NAALADL2: variants seen among roughly 807,000 people sequenced by gnomAD.
NAALADL2 encodes inactive N-acetylated-alpha-linked acidic dipeptidase-like protein 2.
NAALADL2 carries 76 observed loss-of-function variants against 87.2 expected under a neutral mutation model. The observed-to-expected ratio is 0.87, with a 90% confidence interval of 0.72 to 1.05. The LOEUF (loss-of-function observed/expected upper bound fraction) is 1.05. Among genes scored for constraint, NAALADL2 ranks in the 50% least tolerant of loss-of-function variants. The pLI is 0.00. For synonymous variants in NAALADL2, 354 were observed against 331.0 expected (o/e 1.07, Z -0.75); for missense variants, 1,089 against 945.8 (o/e 1.15, Z -1.99).
At chr3:174,771,977 T>C (rs961734942) in intron 3 of NAALADL2, among the ~76,000 whole-genome samples, 1 of 151,178 alleles carries the variant, frequency 6.6e-6, no homozygotes, top group Non-Finnish European at 1.5e-5. Flanking sequence ...GCTCTAGGTA[T>C]GGGAGATACA....
intron 2 of NAALADL2, among the ~76,000 whole-genome samples, chr3:174,677,122 C>T (rs189593158): frequency 1.1e-4 from 16 of 152,016 alleles, no homozygotes; most frequent in East Asian, 5.8e-4. Flanking sequence ...ATCTATCTGC[C>T]GCCTTTTGGC....
At chr3:175,120,793 T>G (rs577048368) in intron 2 of NAALADL2, among the ~76,000 whole-genome samples, 6 of 151,808 alleles carry the variant, frequency 4.0e-5, no homozygotes, top group Non-Finnish European at 8.8e-5. Context: ...AGTTGTCTAA[T>G]TGGTTGATAA....
chr3:175,383,948 C>T (rs1276321619), intron 5 of NAALADL2, among the ~76,000 whole-genome samples: 1 of 151,986 alleles, frequency 6.6e-6, no homozygotes, highest in Non-Finnish European at 1.5e-5. Flanking sequence ...CTGATTCTGT[C>T]AGATTTTTAC....
At chr3:175,182,555 T>G (rs1038512103) in intron 2 of NAALADL2, among the ~76,000 whole-genome samples, 13 of 99,148 alleles carry the variant, frequency 1.3e-4, no homozygotes, top group Non-Finnish European at 2.4e-4. Flanking sequence ...AGCCAGTTTT[T>G]TTTTTTTTTT....
chr3:174,610,547 C>CA (rs1719716498), intron 2 of NAALADL2, among the ~76,000 whole-genome samples: 1 of 152,030 alleles, frequency 6.6e-6, no homozygotes, highest in Admixed American at 6.6e-5. Flanking sequence ...TTTATGCAGC[C>CA]AAAAAACACG....
At chr3:174,787,445 A>G (rs1716801142) in intron 3 of NAALADL2, among the ~76,000 whole-genome samples, 1 of 150,696 alleles carries the variant, frequency 6.6e-6, no homozygotes, top group African/African-American at 2.4e-5. Flanking sequence ...TTAAGACTAC[A>G]GGGATAGAAT....
intron 2 of NAALADL2, among the ~76,000 whole-genome samples, chr3:174,555,992 TGTGTGTGTGTGTGTGTGCGC>T (rs1387676771): frequency 1.5e-5 from 2 of 136,792 alleles, no homozygotes; most frequent in Admixed American, 1.4e-4. Flanking sequence ...TGTGTGTGTG[TGTGTGTGTGTGTGTGTGCGC>T]GCACGTGAGT....
At chr3:174,658,248 A>C (rs1725170683) in intron 2 of NAALADL2, among the ~76,000 whole-genome samples, 2 of 152,130 alleles carry the variant, frequency 1.3e-5, no homozygotes. Context: ...GCAATGAATG[A>C]GTTCTTTGTG....
intron 9 of NAALADL2, among the ~76,000 whole-genome samples, chr3:175,518,315 AAAC>A (rs1272937168): frequency 6.6e-6 from 1 of 152,172 alleles, no homozygotes; most frequent in Non-Finnish European, 1.5e-5. Flanking sequence ...CTAAATTTTC[AAAC>A]AACAATTAAA....
chr3:174,682,925 C>CAGT (rs1488818818), intron 2 of NAALADL2, among the ~76,000 whole-genome samples: 2 of 152,146 alleles, frequency 1.3e-5, no homozygotes, highest in African/African-American at 4.8e-5. Flanking sequence ...TTTAAGGCAC[C>CAGT]AGTAGCTAAT....
chr3:174,572,848 G>T (rs1024032050), intron 2 of NAALADL2, among the ~76,000 whole-genome samples: 3 of 152,198 alleles, frequency 2.0e-5, no homozygotes, highest in Non-Finnish European at 4.4e-5. Flanking sequence ...TGTTTGGAAT[G>T]CAAGGAACTT....
intron 2 of NAALADL2, among the ~76,000 whole-genome samples, chr3:175,098,303 G>GT (rs1721499479): frequency 1.3e-5 from 2 of 152,080 alleles, no homozygotes; most frequent in African/African-American, 2.4e-5. Context: ...ATGAATGATT[G>GT]TATCATTCAG....
At chr3:175,356,576 A>AAATAATAATAATAATAAT (rs377522672) in intron 5 of NAALADL2, among the ~76,000 whole-genome samples, 3,660 of 131,632 alleles carry the variant, frequency 0.028, 66 homozygotes, top group East Asian at 0.073. Flanking sequence ...CCCTGTGTCA[A>AAATAATAATAATAATAAT]AATAATAATA....
At chr3:175,665,223 C>T (rs968656286) in intron 11 of NAALADL2, among the ~76,000 whole-genome samples, 3 of 152,282 alleles carry the variant, frequency 2.0e-5, no homozygotes, top group Admixed American at 1.3e-4. Flanking sequence ...CAAGGTGACA[C>T]AGAGCAAACA....
rs1168614917 is a variant in NAALADL2, at chr3:174,579,893, G to T, written c.-115+29256G>T. ...TGGCTTCATCAACTGTGCTTATGTA[G>T]ACATAGTATTTACTTTGTGTGGAGC... On this transcript the variant is annotated intron_variant, in intron 2 of 3. Coordinates refer to the NAALADL2 transcript ENST00000434257. 6.6e-5 allele frequency among the ~76,000 whole-genome samples: 10 copies of T among 152,040 alleles called. No homozygotes were observed. The East Asian group carries it at 1.9e-3, about 29-fold the overall frequency.
chr3:175,439,329 A>C (rs1553895400), intron 5 of NAALADL2, among the ~76,000 whole-genome samples: 1 of 150,862 alleles, frequency 6.6e-6, no homozygotes, highest in Non-Finnish European at 1.5e-5. Flanking sequence ...TTTTTTTATA[A>C]TTACTTATTT....
chr3:174,622,409 C>T (rs1335361356), intron 2 of NAALADL2, among the ~76,000 whole-genome samples: 1 of 152,036 alleles, frequency 6.6e-6, no homozygotes, highest in Non-Finnish European at 1.5e-5. Flanking sequence ...TAAAGAAATA[C>T]AAGAACATTA....
chr3:175,185,664 G>A (rs950216976), intron 2 of NAALADL2, among the ~76,000 whole-genome samples: 4 of 151,352 alleles, frequency 2.6e-5, no homozygotes, highest in Admixed American at 6.6e-5. Flanking sequence ...GATTATGATC[G>A]TGGCACTGGG....
intron 9 of NAALADL2, among the ~76,000 whole-genome samples, chr3:175,504,160 A>ACTC (rs1729943687): frequency 6.6e-6 from 1 of 152,164 alleles, no homozygotes; most frequent in Non-Finnish European, 1.5e-5. Flanking sequence ...TTATCCCAAT[A>ACTC]CTTTTTATTG....
Sources: gnomAD v4.1 joint callset for allele counts (sites outside exome capture counted in the v4.1 genomes callset) on GRCh38, gnomAD v4.1.1 for gene constraint, MANE v1.5 for transcripts, NCBI Gene and HGNC (gene_info 2026-07-23, HGNC 2026-07-21) for gene names.